The following TMEM67 variants were observed in gnomAD, a reference collection of about 807,000 sequenced individuals.
The protein encoded by TMEM67 is transmembrane protein 67.
A neutral mutation model predicts 136.6 loss-of-function variants in TMEM67; 124 were observed. That is an observed-to-expected ratio of 0.91 (90% confidence interval 0.78 to 1.05). The LOEUF (loss-of-function observed/expected upper bound fraction) is 1.05, where lower values mean the gene tolerates loss of function less well. Ranked by LOEUF, TMEM67 falls within the 50% of genes least tolerant of loss-of-function variation. The pLI is 0.00. For missense variants in TMEM67, 1,107 were observed against 1,178.4 expected, an observed-to-expected ratio of 0.94 and a Z score of 0.89; for synonymous variants, 364 against 390.5, an observed-to-expected ratio of 0.93 and a Z score of 0.80.
At chr8:93,780,333 G>A (rs1813757482) in intron 7 of TMEM67, among the ~76,000 whole-genome samples, 1 of 152,104 alleles carries the variant, frequency 6.6e-6, no homozygotes, top group Non-Finnish European at 1.5e-5. Flanking sequence ...CCTGGGTGAG[G>A]TGATGCCCCA....
intron 10 of TMEM67, 27 bp from the exon 11 acceptor site, chr8:93,782,368 T>G: frequency 6.3e-7 from 1 of 1,577,392 alleles, no homozygotes; most frequent in Non-Finnish European, 8.7e-7. Flanking sequence ...ATTTGTGAGA[T>G]TTATCTGTTG....
At chr8:93,768,795 T>C (rs1813197541) in intron 6 of TMEM67, among the ~76,000 whole-genome samples, 1 of 151,996 alleles carries the variant, frequency 6.6e-6, no homozygotes, top group Non-Finnish European at 1.5e-5. Flanking sequence ...ACCCCCTCAC[T>C]TTCTATTCCA....
rs182170937 is a variant in TMEM67 at position 93,815,884 on chromosome 8, A to G, written c.2907+437A>G. 4.6e-5 allele frequency among the ~76,000 whole-genome samples: 7 copies of G among 152,366 alleles called. No homozygotes were observed. In the East Asian group the frequency reaches 1.3e-3, roughly 29 times the overall value. ...GTGTGGATAAAAAGCAACTTCATGTATGAGTGTGGACCCTGAAATAGAGAT... is the reference window on the plus strand; with the variant it reads ...GTGTGGATAAAAAGCAACTTCATGTGTGAGTGTGGACCCTGAAATAGAGAT... On this transcript the variant is annotated intron_variant, in intron 27 of 27. Transcript: ENST00000453321.
chr8:93,780,787 A>T (rs1426214953), intron 8 of TMEM67, 40 bp downstream of exon 8: 1 of 1,610,290 alleles, frequency 6.2e-7, no homozygotes, highest in Admixed American at 1.7e-5. Context: ...TTTTGACTGA[A>T]TTCAGTGCAG....
At chr8:93,810,076 C>T in intron 26 of TMEM67, 189 bp downstream of exon 26, 6 of 412,244 alleles carry the variant, frequency 1.5e-5, no homozygotes, top group Non-Finnish European at 2.6e-5. Context: ...TCATGCCATT[C>T]TCTTGCCTCA....
At chr8:93,804,219 G>A (rs181260488) in intron 22 of TMEM67, among the ~76,000 whole-genome samples, 11 of 150,512 alleles carry the variant, frequency 7.3e-5, no homozygotes, top group Admixed American at 6.6e-4. Flanking sequence ...AATTTCTTAT[G>A]CTACCAAGTA....
intron 23 of TMEM67, 127 bp from the exon 24 acceptor site, chr8:93,808,713 G>T (rs1808566320): frequency 4.5e-6 from 3 of 667,472 alleles, no homozygotes; most frequent in Non-Finnish European, 8.1e-6. Flanking sequence ...TACAGTTTCA[G>T]TGAATTTCAC....
Position 93,793,381 on chromosome 8 carries a change from A to T in TMEM67, c.1674+85A>T. On this transcript the variant is annotated intron_variant, in intron 16 of 27. Coordinates refer to ENST00000453321, the MANE Select transcript of TMEM67 (RefSeq NM_153704.6). Reference sequence around the variant, plus strand: ...CATAAGACACAGCTAGAGAATAAGTAAAAAAGTTGCATTGAATTTTTCTGG... The same window carrying T: ...CATAAGACACAGCTAGAGAATAAGTTAAAAAGTTGCATTGAATTTTTCTGG... 3 of 1,179,766 alleles carry T rather than the reference A, an allele frequency of 2.5e-6. No homozygotes were observed. In the South Asian group the frequency reaches 3.8e-5, roughly 15 times the overall value. The allele number at this position is 1,179,766 out of a possible 1,614,324, so 73.1% of individuals were successfully genotyped here.
chr8:93,825,072 C>T, the TMEM67 span, among the ~76,000 whole-genome samples: 3 of 152,242 alleles, frequency 2.0e-5, no homozygotes, highest in African/African-American at 7.2e-5. Context: ...AGACCGTTGT[C>T]ATAAGGATTG....
chr8:93,770,671 A>G (rs1246933985), intron 6 of TMEM67, among the ~76,000 whole-genome samples: 1 of 152,190 alleles, frequency 6.6e-6, no homozygotes, highest in South Asian at 2.1e-4. Context: ...TTGCATCACA[A>G]CAAGAGGTAT....
intron 11 of TMEM67, among the ~76,000 whole-genome samples, chr8:93,784,969 A>G (rs1227984171): frequency 6.6e-6 from 1 of 152,206 alleles, no homozygotes; most frequent in Non-Finnish European, 1.5e-5. Context: ...GAAGTTCTCA[A>G]AATTCTCAAA....
intron 22 of TMEM67, among the ~76,000 whole-genome samples, chr8:93,804,310 C>CTTTTTT (rs1182297223): frequency 9.8e-4 from 92 of 93,824 alleles, no homozygotes; most frequent in Non-Finnish European, 1.2e-3. Context: ...CTTTTCTTTT[C>CTTTTTT]TTTTTTTTTT....
At chr8:93,769,421 G>T in intron 6 of TMEM67, 1 of 162,148 alleles carries the variant, frequency 6.2e-6, no homozygotes. Context: ...GGTTCCATTT[G>T]CCATGAATGT....
chr8:93,766,404 C>G (rs1813084932), intron 6 of TMEM67, among the ~76,000 whole-genome samples: 1 of 152,194 alleles, frequency 6.6e-6, no homozygotes, highest in African/African-American at 2.4e-5. Flanking sequence ...ATGCATGAGC[C>G]ACTGCGCCCA....
intron 1 of TMEM67, 117 bp downstream of exon 1, chr8:93,755,254 AG>A: frequency 9.5e-7 from 1 of 1,055,288 alleles, no homozygotes; most frequent in Non-Finnish European, 1.5e-6. Context: ...TTCTGACCTC[AG>A]GTGATCCACC....
At chr8:93,759,199 C>T (rs1563675884) in intron 3 of TMEM67, 2 of 151,846 alleles carry the variant, frequency 1.3e-5, no homozygotes, top group Non-Finnish European at 2.9e-5. Context: ...AAAGGTAGGC[C>T]GTTGTTAATC....
chr8:93,813,093 T>C (rs2130792850), intron 26 of TMEM67, among the ~76,000 whole-genome samples: 1 of 152,256 alleles, frequency 6.6e-6, no homozygotes, highest in African/African-American at 2.4e-5. Flanking sequence ...TGCTTTTTTC[T>C]TCCTTTCTCC....
chr8:93,759,592 A>G (rs1031048823), intron 3 of TMEM67: 1 of 153,596 alleles, frequency 6.5e-6, no homozygotes, highest in Non-Finnish European at 1.4e-5. Flanking sequence ...CATATACAGT[A>G]GCAACAAAAA....
chr8:93,808,543 T>TAG (rs1808556213), intron 23 of TMEM67, among the ~76,000 whole-genome samples: 1 of 16,798 alleles, frequency 6.0e-5, no homozygotes, highest in Non-Finnish European at 1.2e-4. Flanking sequence ...ATCTATAATC[T>TAG]ATATATATCT....
Sources: gnomAD v4.1 joint callset for allele counts (sites outside exome capture counted in the v4.1 genomes callset) on GRCh38, gnomAD v4.1.1 for gene constraint, MANE v1.5 for transcripts, NCBI Gene and HGNC (gene_info 2026-07-23, HGNC 2026-07-21) for gene names.